Variants in OTOGL observed in about 807,000 individuals in gnomAD.
The protein encoded by OTOGL is otogelin like, also known as otogelin-like protein.
Under a neutral mutation model 318.5 loss-of-function variants are expected in OTOGL, and 285 were observed. The observed-to-expected ratio is 0.89, with a 90% CI of 0.81 to 0.99. The LOEUF is 0.99. OTOGL is among the 50% of genes least tolerant of loss of function. OTOGL has a pLI of 0.00. For synonymous variants in OTOGL, 987 were observed against 936.5 expected (o/e 1.05, Z -0.99); for missense variants, 2,899 against 2,845.6 (o/e 1.02, Z -0.43).
intron 29 of OTOGL, among the ~76,000 whole-genome samples, chr12:80,308,591 G>A (rs1236545739): frequency 2.0e-5 from 3 of 152,118 alleles, no homozygotes; most frequent in East Asian, 1.9e-4. Context: ...CTGCAATCTC[G>A]GCACTTTGGG....
intron 8 of OTOGL, 147 bp downstream of exon 8, chr12:80,229,525 C>T (rs901919401): frequency 5.3e-5 from 60 of 1,132,164 alleles, no homozygotes; most frequent in Admixed American, 1.8e-4. Context: ...GACATCAAAA[C>T]TTCGGTAGGC....
chr12:80,274,300 T>TG (rs1592642222), intron 24 of OTOGL, among the ~76,000 whole-genome samples: 1 of 151,988 alleles, frequency 6.6e-6, no homozygotes, highest in East Asian at 1.9e-4. Context: ...AACCCACAAG[T>TG]GGTAAGAAAG....
At position 80,168,304 on chromosome 12, in the gene OTOGL, GT is replaced by G. The variant is rs574703990; in HGVS notation, c.-19-41103del. ...TACAAAATGCTCAACTCATCCTAAT[GT>G]TTTTTCATTTGTTTACCTAGCAACA... is the stretch of plus-strand genomic sequence containing the variant. On this transcript the variant is annotated intron_variant, in intron 1 of 58. Transcript: ENST00000547103. Among the ~76,000 whole-genome samples the G allele has an allele frequency of 2.7e-4, 41 of 152,128 alleles. No homozygotes were observed. The East Asian group carries it at 7.9e-3, about 29-fold the overall frequency.
At position 80,108,936 on chromosome 12, in the gene OTOGL, G is replaced by GTGTGTATATATATATA. The variant is rs1555268621; in HGVS notation, c.-20+9332_-20+9333insGTGTATATATATATAT. On this transcript the variant is annotated intron_variant, in intron 1 of 58. Transcript: ENST00000547103. ...TATATGTGTATATATATATGTGTGTGTATATATATATATATATACACACAC... is the reference window on the plus strand; with the variant it reads ...TATATGTGTATATATATATGTGTGTGTGTGTATATATATATATATATATATATATATATACACACAC... Among the ~76,000 whole-genome samples the GTGTGTATATATATATA allele has an allele frequency of 3.4e-4, 44 of 128,226 alleles. 1 individual carries two copies. Among genetic ancestry groups the GTGTGTATATATATATA allele is most frequent in the African/African-American group, 1.4e-3 (44 of 31,266 alleles). 84.1% of individuals were successfully genotyped at this position (128,226 alleles called of 152,430 possible).
chr12:80,245,225 A>T (rs1880771518), intron 11 of OTOGL, among the ~76,000 whole-genome samples: 1 of 55,208 alleles, frequency 1.8e-5, no homozygotes, highest in East Asian at 5.3e-4. Context: ...TTTGGACATG[A>T]AGTCCTTGCC....
At position 80,312,659 on chromosome 12, in the gene OTOGL, C is replaced by T. The variant is rs189283310; in HGVS notation, c.3451-817C>T. 5.6e-3 allele frequency among the ~76,000 whole-genome samples: 857 copies of T among 152,228 alleles called. 5 individuals are homozygous for T. The highest frequency in any genetic ancestry group is 6.3e-3 in the Non-Finnish European group (427 of 68,012). On this transcript the variant is annotated intron_variant, in intron 30 of 58. Coordinates refer to ENST00000547103, the MANE Select transcript of OTOGL (RefSeq NM_001378609.3). The stretch of plus-strand genomic sequence containing the variant: ...GAGACTTTTCAGAGTTTCCAAGGAC[C>T]ACACCTGCTTGACAAGGAATATTGT...
Position 80,103,351 on chromosome 12 carries a change from C to T in OTOGL, c.-20+3746C>T, listed in dbSNP as rs146213431. On this transcript the variant is annotated intron_variant, in intron 1 of 58. Transcript: ENST00000547103. ...AACTTCATTTTGGCCGCTCCCGCTT[C>T]GGTGATCGATCTTCTTTTCTTTTCT... is the stretch of plus-strand genomic sequence containing the variant. The T allele has an allele frequency of 1.8e-4, 227 of 1,249,202 alleles. No individual in the cohort carries two copies. In the African/African-American group the frequency reaches 2.6e-3, roughly 14 times the overall value. 77.4% of individuals were successfully genotyped at this position (1,249,202 alleles called of 1,614,324 possible). A position where few individuals can be genotyped will look rare whatever the true frequency, so the allele number is the denominator to read the frequency against.
At chr12:80,302,556 T>C in intron 27 of OTOGL, 78 bp from the exon 28 acceptor site, 1 of 972,584 alleles carries the variant, frequency 1.0e-6, no homozygotes, top group Non-Finnish European at 1.3e-6. Context: ...TGTTGGTAAA[T>C]GTTAACTAAA....
At chr12:80,123,607 C>T (rs955046244) in intron 1 of OTOGL, among the ~76,000 whole-genome samples, 1 of 152,166 alleles carries the variant, frequency 6.6e-6, no homozygotes, top group South Asian at 2.1e-4. Flanking sequence ...CCTGAGGAAT[C>T]GCCCCACTGA....
chr12:80,201,371 G>A (rs1463612362), intron 1 of OTOGL, among the ~76,000 whole-genome samples: 1 of 152,162 alleles, frequency 6.6e-6, no homozygotes, highest in Non-Finnish European at 1.5e-5. Context: ...GGTGGAAGGT[G>A]TAGGGGGAGC....
At chr12:80,341,837 C>T in intron 43 of OTOGL, 111 bp from the exon 44 acceptor site, 1 of 735,196 alleles carries the variant, frequency 1.4e-6, no homozygotes, top group South Asian at 2.0e-5. Context: ...AAACTTGGTA[C>T]CTTATATGGT....
intron 12 of OTOGL, 73 bp downstream of exon 12, chr12:80,251,872 T>C (rs1035950395): frequency 6.0e-6 from 8 of 1,333,962 alleles, no homozygotes; most frequent in African/African-American, 4.4e-5. Context: ...CAAAACTTAC[T>C]GTACTACTCA....
chr12:80,373,025 C>T (rs989951600), intron 57 of OTOGL, among the ~76,000 whole-genome samples: 6 of 152,074 alleles, frequency 3.9e-5, no homozygotes, highest in Middle Eastern at 6.8e-3. Context: ...TTCCATGAAA[C>T]CACATTTATT....
chr12:80,138,167 G>A (rs1871700706), intron 1 of OTOGL, among the ~76,000 whole-genome samples: 1 of 152,062 alleles, frequency 6.6e-6, no homozygotes, highest in South Asian at 2.1e-4. Flanking sequence ...TCCCAACAGA[G>A]TATAGGGGAT....
At chr12:80,217,751 T>C (rs2137335597) in intron 5 of OTOGL, 87 bp downstream of exon 5, 1 of 985,224 alleles carries the variant, frequency 1.0e-6, no homozygotes, top group Non-Finnish European at 1.5e-6. Context: ...ATTGTTTCCG[T>C]ATACCACATG....
At chr12:80,280,430 TCTTAC>T (rs1324640648) in intron 26 of OTOGL, among the ~76,000 whole-genome samples, 1 of 151,982 alleles carries the variant, frequency 6.6e-6, no homozygotes, top group African/African-American at 2.4e-5. Context: ...TGATCTTAGG[TCTTAC>T]TTTTAAGTCT....
chr12:80,217,619 T>C lies in OTOGL; in HGVS notation c.190T>C (p.Tyr64His). 6.4e-7 allele frequency: 1 copy of C among 1,551,868 alleles called. No individual in the cohort carries two copies. The highest frequency in any genetic ancestry group is 8.7e-7 in the Non-Finnish European group (1 of 1,146,290). The change falls in exon 5 of 59, where the codon TAC (tyrosine) becomes CAC (histidine). Residue 64 changes from tyrosine to histidine, a missense_variant. Tyr to His is a moderately conservative substitution (Grantham distance 83). Transcript: ENST00000547103. ...AAAGTTTGAAGCTACTTCTCCGAGATACTTTTTCCATGATGCTATTAATTG... is the reference window on the plus strand; with the variant it reads ...AAAGTTTGAAGCTACTTCTCCGAGACACTTTTTCCATGATGCTATTAATTG... The part of the protein sequence containing the change: ...AAQFEATSPR[Y>H]FFHDAINWGE...
chr12:80,177,456 A>G (rs1874605081), intron 1 of OTOGL, among the ~76,000 whole-genome samples: 1 of 152,120 alleles, frequency 6.6e-6, no homozygotes, highest in African/African-American at 2.4e-5. Flanking sequence ...TCTTTATTTC[A>G]TTTTATTGAT....
intron 1 of OTOGL, among the ~76,000 whole-genome samples, chr12:80,140,311 A>G (rs1871852796): frequency 6.6e-6 from 1 of 152,134 alleles, no homozygotes; most frequent in Admixed American, 6.6e-5. Context: ...TGATGTTCAG[A>G]GGTAAATTAT....
Sources: allele counts gnomAD v4.1 joint callset (sites outside exome capture counted in the v4.1 genomes callset), GRCh38; gene constraint gnomAD v4.1.1; transcripts MANE v1.5; gene names NCBI Gene and HGNC (gene_info 2026-07-23, HGNC 2026-07-21).